VPS51: variants seen among roughly 807,000 people sequenced by gnomAD.
VPS51 encodes the protein VPS51 subunit of GARP complex.
A neutral mutation model predicts 65.1 loss-of-function variants in VPS51; 55 were observed. The ratio of observed to expected loss-of-function variants is 0.84; its 90% CI spans 0.68 to 1.06. The LOEUF is 1.06. VPS51 is among the 50% of genes least tolerant of loss of function. VPS51 has a pLI of 0.00. For synonymous variants in VPS51, 473 were observed against 489.5 expected, an observed-to-expected ratio of 0.97 and a Z score of 0.44; for missense variants, 943 against 1,101.6, an observed-to-expected ratio of 0.86 and a Z score of 2.04.
At chr11:65,105,942 C>T (rs534315077) in intron 2 of VPS51, among the ~76,000 whole-genome samples, 40 of 152,272 alleles carry the variant, frequency 2.6e-4, no homozygotes, top group African/African-American at 8.9e-4. Context: ...TTTCCATGCC[C>T]TCCCCGGGCG....
chr11:65,107,276 T>C lies in VPS51; in HGVS notation c.359-305T>C, dbSNP rs1590812375. The C allele has an allele frequency of 3.6e-6, 2 of 548,046 alleles. No homozygotes were observed. The highest frequency in any genetic ancestry group is 3.7e-5 in the African/African-American group (2 of 53,572). 33.9% of individuals were successfully genotyped at this position (548,046 alleles called of 1,614,324 possible). On this transcript the variant is annotated intron_variant, in intron 2 of 9. Transcript: ENST00000279281. The surrounding 1 kb of genome is among the most constrained non-coding windows in gnomAD (Gnocchi z 4.0). ...TGATGGAGCAGTTGAGGCACAGTGG[T>C]GGCAGCTGGCTAAGCACCTGCGGCC...
rs1241768778 is a variant in VPS51, at chr11:65,110,614, T to C, written c.2000+11T>C. The C allele has an allele frequency of 6.2e-7, 1 of 1,613,830 alleles. No homozygotes were observed. The highest frequency in any genetic ancestry group is 2.2e-5 in the East Asian group (1 of 44,894). On this transcript the variant is annotated intron_variant, in intron 8 of 9. Transcript: ENST00000279281. ...CAGCTATACCCCCAGGTCTGGCTGG[T>C]CAGGGGAGCCCCAGGGGGAAGGGAC... is the stretch of plus-strand genomic sequence containing the variant.
At chr11:65,110,361 G>A (rs986306044) in intron 7 of VPS51, 121 bp from the exon 8 acceptor site, 1 of 1,538,580 alleles carries the variant, frequency 6.5e-7, no homozygotes, top group South Asian at 1.2e-5. Context: ...AGCGGGCCCC[G>A]CGGTGATTAC....
rs763074461 is a variant in VPS51 at position 65,108,397 on chromosome 11, G to T, written c.926G>T (p.Ser309Ile). 1.2e-6 allele frequency: 2 copies of T among 1,612,258 alleles called. No individual in the cohort carries two copies. The highest frequency in any genetic ancestry group is 1.7e-6 in the Non-Finnish European group (2 of 1,179,692). Residue 309 changes from serine to isoleucine, a missense_variant, in exon 5 of 10, where the codon AGT becomes ATT. Around this residue, in one of 2 missense-constraint regions of VPS51, gnomAD observed 855 missense variants for 953.7 expected, o/e 0.90. Coordinates refer to ENST00000279281, the MANE Select transcript of VPS51 (RefSeq NM_013265.4). ...DVLEFTDHGG[S>I]GFVGGLCQVA... ...TTAGAGTTCACCGACCATGGAGGCA[G>T]TGGCTTCGTGGGCGGCCTCTGCCAG... is the stretch of plus-strand genomic sequence containing the variant.
intron 9 of VPS51, 53 bp downstream of exon 9, chr11:65,110,834 G>T: frequency 6.2e-7 from 1 of 1,608,454 alleles, no homozygotes; most frequent in Non-Finnish European, 8.5e-7. Context: ...AGGGTTGGCT[G>T]GAGCAGCCCC....
rs368671829 is a variant in VPS51, at chr11:65,107,816, G to A, written c.519G>A (p.Leu173=). The A allele has an allele frequency of 2.6e-6, 4 of 1,563,070 alleles. No individual in the cohort carries two copies. The highest frequency in any genetic ancestry group is 2.6e-6 in the Non-Finnish European group (3 of 1,155,760). ...TCCGTCCCCCAGGGGTCCACGCGCT[G>A]CTGCGGAAGCTGCAGTTCCTCTTTG... The part of the protein sequence containing the change: ...RITKLAGVHA[L]LRKLQFLFEL... The change falls in exon 4 of 10, where the codon CTG becomes CTA. Residue 173 remains leucine (L), a synonymous_variant. Coordinates refer to ENST00000279281, the MANE Select transcript of VPS51 (RefSeq NM_013265.4). The surrounding 1 kb of genome is among the most constrained non-coding windows in gnomAD (Gnocchi z 4.0).
rs779134753 is a variant in VPS51, at chr11:65,108,195, A to G, written c.726-2A>G. Reference sequence around the variant, plus strand: ...GCCCTTCACTACCTCTCCCTCGTGCAGGGAGGGCGGCTCAGGCGCCCCGGA... The same window carrying G: ...GCCCTTCACTACCTCTCCCTCGTGCGGGGAGGGCGGCTCAGGCGCCCCGGA... On this transcript the variant is annotated splice_acceptor_variant, in intron 4 of 9. Coordinates refer to ENST00000279281, the MANE Select transcript of VPS51 (RefSeq NM_013265.4). LOFTEE classifies it high-confidence loss of function. The G allele has an allele frequency of 6.2e-7, 1 of 1,600,206 alleles. No individual in the cohort carries two copies. Among genetic ancestry groups the G allele is most frequent in the Non-Finnish European group, 8.5e-7 (1 of 1,177,098 alleles).
In VPS51 at chr11:65,107,437, G is replaced by A; in HGVS notation, c.359-144G>A. Reference sequence around the variant, plus strand: ...CGCCCCCATGTGCGCTGTGACCCACGCCCTCGCAGTCCTTTCTCTGGAATC... The same window carrying A: ...CGCCCCCATGTGCGCTGTGACCCACACCCTCGCAGTCCTTTCTCTGGAATC... On this transcript the variant is annotated intron_variant, in intron 2 of 9. Transcript: ENST00000279281. The surrounding 1 kb of genome is among the most constrained non-coding windows in gnomAD (Gnocchi z 4.0). The A allele has an allele frequency of 7.1e-6, 6 of 845,226 alleles. No homozygotes were observed. Among genetic ancestry groups the A allele is most frequent in the East Asian group, 5.5e-5 (2 of 36,680 alleles). 52.4% of individuals were successfully genotyped at this position (845,226 alleles called of 1,614,324 possible).
chr11:65,099,065 G>A (rs547455781), intron 2 of VPS51, among the ~76,000 whole-genome samples: 1 of 152,298 alleles, frequency 6.6e-6, no homozygotes, highest in Admixed American at 6.5e-5. Flanking sequence ...GTGCATGCCT[G>A]TAGTCCAAGC....
intron 2 of VPS51, among the ~76,000 whole-genome samples, chr11:65,106,813 T>TGGAA (rs1469390379): frequency 6.6e-6 from 1 of 151,096 alleles, no homozygotes; most frequent in Non-Finnish European, 1.5e-5. Flanking sequence ...TCAGGAACAT[T>TGGAA]GGAAGGCTCA....
chr11:65,097,517 C>T (rs1452655279), intron 2 of VPS51, among the ~76,000 whole-genome samples: 1 of 152,058 alleles, frequency 6.6e-6, no homozygotes, highest in Non-Finnish European at 1.5e-5. Flanking sequence ...GTCCCTGGCC[C>T]AGCCCAAAAT....
Position 65,096,282 on chromosome 11 carries a change from C to G in VPS51, c.32C>G (p.Pro11Arg). The G allele has an allele frequency of 6.6e-7, 1 of 1,519,474 alleles. No homozygotes were observed. The highest frequency in any genetic ancestry group is 8.8e-7 in the Non-Finnish European group (1 of 1,137,802). 94.1% of individuals were successfully genotyped at this position (1,519,474 alleles called of 1,614,324 possible). A position where few individuals can be genotyped will look rare whatever the true frequency, so the allele number is the denominator to read the frequency against. Residue 11 changes from proline (P) to arginine (R), a missense_variant, in exon 1 of 10, where the codon CCG becomes CGG. This residue lies in a region of VPS51 where 855 missense variants were observed against 953.7 expected (regional missense o/e 0.90). Coordinates refer to ENST00000279281, the MANE Select transcript of VPS51 (RefSeq NM_013265.4). Reference sequence around the variant, plus strand: ...GCGGCAGCTGCCGCCGGGCCTAGCCCGGGGTCTGGACCTGGGGACTCCCCA... The same window carrying G: ...GCGGCAGCTGCCGCCGGGCCTAGCCGGGGGTCTGGACCTGGGGACTCCCCA... MAAAAAAGPS[P>R]GSGPGDSPEG...
intron 2 of VPS51, 85 bp downstream of exon 2, chr11:65,097,212 G>A (rs1284324401): frequency 6.4e-7 from 1 of 1,571,638 alleles, no homozygotes; most frequent in East Asian, 2.3e-5. Context: ...GGGATTTAGA[G>A]GGGGGAGACT....
chr11:65,100,503 G>A (rs1029435264), intron 2 of VPS51, among the ~76,000 whole-genome samples: 1 of 145,454 alleles, frequency 6.9e-6, no homozygotes, highest in East Asian at 2.0e-4. Flanking sequence ...ATAAAAACAT[G>A]TACACAAGTG....
Position 65,107,446 on chromosome 11 carries a change from G to A in VPS51, c.359-135G>A. On this transcript the variant is annotated intron_variant, in intron 2 of 9. Transcript: ENST00000279281. The surrounding 1 kb of genome is among the most constrained non-coding windows in gnomAD (Gnocchi z 4.0). ...GTGCGCTGTGACCCACGCCCTCGCAGTCCTTTCTCTGGAATCATCCATGCG... is the reference window on the plus strand; with the variant it reads ...GTGCGCTGTGACCCACGCCCTCGCAATCCTTTCTCTGGAATCATCCATGCG... 1.8e-6 allele frequency: 2 copies of A among 1,115,986 alleles called. No individual in the cohort carries two copies. Among genetic ancestry groups the A allele is most frequent in the Non-Finnish European group, 2.5e-6 (2 of 790,132 alleles). The allele number at this position is 1,115,986 out of a possible 1,614,324, so 69.1% of individuals were successfully genotyped here.
intron 7 of VPS51, chr11:65,110,223 C>T (rs184813785): frequency 4.7e-6 from 3 of 644,924 alleles, no homozygotes; most frequent in Non-Finnish European, 5.3e-6. Context: ...AGCAGAGGCT[C>T]AGGGTTACCC....
intron 2 of VPS51, among the ~76,000 whole-genome samples, chr11:65,099,369 A>G (rs1049670570): frequency 6.6e-6 from 1 of 152,178 alleles, no homozygotes; most frequent in Admixed American, 6.6e-5. Flanking sequence ...CCAGGCAGAT[A>G]GTAGATGTGC....
chr11:65,107,969 C>T lies in VPS51; in HGVS notation c.672C>T (p.Asp224=). ...QHLPSFRAIQ[D]DCQVITARLA... Reference sequence around the variant, plus strand: ...TGCCCTCGTTCCGCGCCATCCAGGACGACTGCCAGGTCATCACGGCCCGCC... The same window carrying T: ...TGCCCTCGTTCCGCGCCATCCAGGATGACTGCCAGGTCATCACGGCCCGCC... The change falls in exon 4 of 10, where the codon GAC becomes GAT. Residue 224 remains aspartate, a synonymous_variant. Coordinates refer to ENST00000279281, the MANE Select transcript of VPS51 (RefSeq NM_013265.4). This position sits in a 1 kb window ranked among gnomAD's most constrained non-coding sequence, Gnocchi z 4.0. 1.3e-6 allele frequency: 2 copies of T among 1,566,258 alleles called. No individual in the cohort carries two copies. The highest frequency in any genetic ancestry group is 1.7e-6 in the Non-Finnish European group (2 of 1,158,054).
At chr11:65,110,434 G>C in intron 7 of VPS51, 48 bp from the exon 8 acceptor site, 2 of 1,613,214 alleles carry the variant, frequency 1.2e-6, no homozygotes, top group Non-Finnish European at 1.7e-6. Flanking sequence ...ATGGGCTGGT[G>C]GTTTCCCCTG....
Sources: gnomAD v4.1 joint callset for allele counts (sites outside exome capture counted in the v4.1 genomes callset) on GRCh38, gnomAD v4.1.1 for gene constraint, gnomAD v4.1.1 regional missense constraint, Gnocchi (gnomAD v3.1) non-coding constraint, MANE v1.5 for transcripts, NCBI Gene and HGNC (gene_info 2026-07-23, HGNC 2026-07-21) for gene names.